The following KCNIP4 variants were observed in gnomAD, a reference collection of about 807,000 sequenced individuals.
KCNIP4 encodes the protein potassium voltage-gated channel interacting protein 4.
KCNIP4 carries 12 observed loss-of-function variants against 34.0 expected under a neutral mutation model. The ratio of observed to expected loss-of-function variants is 0.35; its 90% CI spans 0.23 to 0.57. The LOEUF is 0.57. Among genes scored for constraint, KCNIP4 ranks in the 20% least tolerant of loss-of-function variants. KCNIP4 has a pLI of 0.83. For missense variants in KCNIP4, 238 were observed against 311.7 expected, an observed-to-expected ratio of 0.76 and a Z score of 1.78; for synonymous variants, 124 against 102.2, an observed-to-expected ratio of 1.21 and a Z score of -1.29.
At position 21,819,031 on chromosome 4, in the gene KCNIP4, G is replaced by C. The variant is rs530958181; in HGVS notation, c.61+129540C>G. ...TGGTTCTAGCATGACCACACTTTAAGCCATAGCTAATTCATGCAAAATTCT... is the reference window on the plus strand; with the variant it reads ...TGGTTCTAGCATGACCACACTTTAACCCATAGCTAATTCATGCAAAATTCT... On this transcript the variant is annotated intron_variant, in intron 1 of 8. Coordinates refer to ENST00000382152, the MANE Select transcript of KCNIP4 (RefSeq NM_025221.6). 3.9e-5 allele frequency among the ~76,000 whole-genome samples: 6 copies of C among 152,284 alleles called. No homozygotes were observed. In the East Asian group the frequency reaches 9.7e-4, roughly 25 times the overall value.
chr4:21,049,230 G>C (rs943737813), intron 1 of KCNIP4, among the ~76,000 whole-genome samples: 1 of 152,040 alleles, frequency 6.6e-6, no homozygotes, highest in Admixed American at 6.5e-5. Context: ...GATTACAGGC[G>C]TGAGCCACCG....
intron 1 of KCNIP4, among the ~76,000 whole-genome samples, chr4:21,392,460 G>C (rs1722647659): frequency 6.6e-6 from 1 of 152,210 alleles, no homozygotes; most frequent in Admixed American, 6.5e-5. Flanking sequence ...CACTTTAGGA[G>C]TAAATGTTAA....
intron 1 of KCNIP4, among the ~76,000 whole-genome samples, chr4:21,027,796 C>T (rs1337330782): frequency 6.6e-6 from 1 of 151,896 alleles, no homozygotes; most frequent in African/African-American, 2.4e-5. Context: ...GGGCTCAGTT[C>T]TCTTCTCTTA....
At chr4:21,174,779 C>A (rs780219495) in intron 1 of KCNIP4, among the ~76,000 whole-genome samples, 3 of 151,940 alleles carry the variant, frequency 2.0e-5, no homozygotes, top group Non-Finnish European at 4.4e-5. Context: ...GTGGTGCATG[C>A]CTGTAATCCC....
At chr4:21,743,904 A>G (rs560463896) in intron 1 of KCNIP4, among the ~76,000 whole-genome samples, 1 of 151,270 alleles carries the variant, frequency 6.6e-6, no homozygotes, top group Non-Finnish European at 1.5e-5. Flanking sequence ...AGGCATTGCC[A>G]TGGGACTTGA....
At chr4:21,471,209 C>G (rs1248958958) in intron 1 of KCNIP4, among the ~76,000 whole-genome samples, 1 of 152,182 alleles carries the variant, frequency 6.6e-6, no homozygotes, top group Non-Finnish European at 1.5e-5. Flanking sequence ...TTGAGAAGTT[C>G]TGTTTTTAGG....
chr4:20,863,584 T>C (rs1722438787), intron 2 of KCNIP4, among the ~76,000 whole-genome samples: 1 of 152,162 alleles, frequency 6.6e-6, no homozygotes, highest in Admixed American at 6.6e-5. Flanking sequence ...GAAAGGGCTA[T>C]TATCAATTTG....
At chr4:21,808,648 C>T (rs1721443518) in intron 1 of KCNIP4, among the ~76,000 whole-genome samples, 2 of 152,140 alleles carry the variant, frequency 1.3e-5, no homozygotes, top group African/African-American at 2.4e-5. Flanking sequence ...ACCACTAACT[C>T]CTACATTGTT....
chr4:21,897,117 A>C (rs1727438031), intron 1 of KCNIP4, among the ~76,000 whole-genome samples: 1 of 152,054 alleles, frequency 6.6e-6, no homozygotes, highest in Non-Finnish European at 1.5e-5. Flanking sequence ...AAGACTTTAA[A>C]ATTTATGCTT....
chr4:21,661,034 A>G (rs1748409098), intron 1 of KCNIP4, among the ~76,000 whole-genome samples: 2 of 152,124 alleles, frequency 1.3e-5, no homozygotes, highest in Non-Finnish European at 2.9e-5. Context: ...ATAAACCCCA[A>G]GCTCCATAGG....
intron 1 of KCNIP4, chr4:21,303,873 G>A: frequency 6.2e-7 from 1 of 1,614,068 alleles, no homozygotes; most frequent in South Asian, 1.1e-5. Flanking sequence ...ATGACGATCA[G>A]AACTGCTATC....
At chr4:21,404,559 A>G (rs975317155) in intron 1 of KCNIP4, among the ~76,000 whole-genome samples, 1 of 152,156 alleles carries the variant, frequency 6.6e-6, no homozygotes, top group Non-Finnish European at 1.5e-5. Flanking sequence ...GAGCTTACAC[A>G]TACACATCAT....
chr4:21,289,885 A>G (rs2109199810), intron 1 of KCNIP4, among the ~76,000 whole-genome samples: 1 of 152,044 alleles, frequency 6.6e-6, no homozygotes, highest in East Asian at 1.9e-4. Context: ...TCCTCACCCC[A>G]CCCTTTCCCA....
intron 1 of KCNIP4, among the ~76,000 whole-genome samples, chr4:21,067,622 C>T (rs1397006972): frequency 1.3e-5 from 2 of 152,128 alleles, no homozygotes; most frequent in Non-Finnish European, 2.9e-5. Flanking sequence ...GTGTAGAGCC[C>T]TTGGTCCATG....
intron 2 of KCNIP4, among the ~76,000 whole-genome samples, chr4:20,863,735 AAGG>A (rs950463579): frequency 1.3e-5 from 2 of 152,134 alleles, no homozygotes; most frequent in African/African-American, 2.4e-5. Context: ...AACTTTTGCA[AAGG>A]AGGTTTCATT....
At chr4:21,445,361 TGACTTCAAACTATA>T (rs1727887989) in intron 1 of KCNIP4, among the ~76,000 whole-genome samples, 1 of 152,204 alleles carries the variant, frequency 6.6e-6, no homozygotes, top group Admixed American at 6.5e-5. Flanking sequence ...TCACGCTACC[TGACTTCAAACTATA>T]ATACAAGGCT....
chr4:21,416,186 A>T (rs1724937732), intron 1 of KCNIP4, among the ~76,000 whole-genome samples: 1 of 152,214 alleles, frequency 6.6e-6, no homozygotes, highest in South Asian at 2.1e-4. Context: ...AATGTATTTA[A>T]TTCCTATAAA....
At chr4:20,994,022 C>T (rs991179486) in intron 1 of KCNIP4, among the ~76,000 whole-genome samples, 1 of 152,304 alleles carries the variant, frequency 6.6e-6, no homozygotes, top group African/African-American at 2.4e-5. Context: ...ACCCATCTAC[C>T]TCCCTCTTTC....
chr4:21,900,874 ACAACAG>A (rs575848154), intron 1 of KCNIP4, among the ~76,000 whole-genome samples: 67 of 152,324 alleles, frequency 4.4e-4, no homozygotes, highest in African/African-American at 1.4e-3. Context: ...TTTAATGACT[ACAACAG>A]TTCATCTTAC....
Sources: allele counts gnomAD v4.1 joint callset (sites outside exome capture counted in the v4.1 genomes callset), GRCh38; gene constraint gnomAD v4.1.1; transcripts MANE v1.5; gene names NCBI Gene and HGNC (gene_info 2026-07-23, HGNC 2026-07-21).